Variants in CHD1 observed in about 807,000 individuals in gnomAD.
CHD1 encodes ATP-dependent chromatin remodeler CHD1.
In CHD1, 36 loss-of-function variants were observed where a neutral mutation model predicts 224.2. The ratio of observed to expected loss-of-function variants is 0.16; its 90% CI spans 0.12 to 0.21. CHD1 has a LOEUF of 0.21. CHD1 is among the 10% of genes least tolerant of loss of function. The pLI, the probability that CHD1 is intolerant of heterozygous loss-of-function variation, is 1.00. For missense variants in CHD1, 1,378 were observed against 1,994.8 expected, an observed-to-expected ratio of 0.69 and a Z score of 5.89; for synonymous variants, 668 against 658.3, an observed-to-expected ratio of 1.01 and a Z score of -0.23.
chr5:98,868,708 G>T, intron 30 of CHD1, 73 bp from the exon 31 acceptor site: 1 of 1,311,826 alleles, frequency 7.6e-7, no homozygotes, highest in Non-Finnish European at 1.0e-6. Flanking sequence ...AACACTTCCA[G>T]AAAATAATTA....
intron 16 of CHD1, 125 bp downstream of exon 16, chr5:98,888,951 A>T (rs941476914): frequency 3.8e-6 from 2 of 522,964 alleles, no homozygotes; most frequent in African/African-American, 1.9e-5. Context: ...ACCATTATAG[A>T]AAGGCACCAT....
At chr5:98,910,851 T>C (rs1752341989) in intron 2 of CHD1, among the ~76,000 whole-genome samples, 1 of 152,038 alleles carries the variant, frequency 6.6e-6, no homozygotes, top group African/African-American at 2.4e-5. Context: ...ACATGTTGTT[T>C]TCAGTTCTCT....
chr5:98,926,359 C>T lies in CHD1; in HGVS notation c.28G>A (p.Val10Ile). ...CTTGATTCTCCACTACTGTTTCTAA[C>T]ACTTTCTTCATCACTGTGTCCATTC... MNGHSDEES[V>I]RNSSGESSQS... The change falls in exon 2 of 36, where the codon GTT becomes ATT. Residue 10 changes from valine to isoleucine, a missense_variant. Physicochemically the swap from Val to Ile is conservative, Grantham distance 29. Transcript: ENST00000614616. The T allele has an allele frequency of 6.5e-7, 1 of 1,529,192 alleles. No individual in the cohort carries two copies. The highest frequency in any genetic ancestry group is 8.8e-7 in the Non-Finnish European group (1 of 1,137,856). The allele number at this position is 1,529,192 out of a possible 1,614,324, so 94.7% of individuals were successfully genotyped here.
intron 12 of CHD1, 68 bp from the exon 13 acceptor site, chr5:98,894,754 C>G (rs916497612): frequency 3.1e-6 from 2 of 655,118 alleles, no homozygotes; most frequent in Non-Finnish European, 5.3e-6. Flanking sequence ...ACTTACATAT[C>G]TAAAAATTAA....
chr5:98,895,658 CAGA>C (rs1296526003), intron 12 of CHD1, among the ~76,000 whole-genome samples: 3 of 150,212 alleles, frequency 2.0e-5, no homozygotes, highest in Admixed American at 6.7e-5. Context: ...AAGGGTGAGG[CAGA>C]AGAATCACTT....
chr5:98,874,116 AT>A (rs1172185893), intron 25 of CHD1, among the ~76,000 whole-genome samples: 16 of 152,126 alleles, frequency 1.1e-4, no homozygotes, highest in African/African-American at 3.6e-4. Flanking sequence ...TACTCAAGAC[AT>A]TTTTTCATCT....
At chr5:98,869,921 T>C (rs1279215220) in intron 29 of CHD1, 39 bp from the exon 30 acceptor site, 3 of 1,502,530 alleles carry the variant, frequency 2.0e-6, no homozygotes, top group African/African-American at 1.4e-5. Flanking sequence ...ATTCTACAGA[T>C]TTCATTTTTA....
At chr5:98,893,665 C>A in intron 13 of CHD1, 59 bp from the exon 14 acceptor site, 2 of 1,032,304 alleles carry the variant, frequency 1.9e-6, no homozygotes, top group South Asian at 1.6e-5. Context: ...TTTAGCCTTC[C>A]CATTTAATCT....
At chr5:98,896,827 T>A (rs1751372845) in intron 11 of CHD1, among the ~76,000 whole-genome samples, 1 of 147,196 alleles carries the variant, frequency 6.8e-6, no homozygotes. Flanking sequence ...CAACCGAGAT[T>A]CACAAAAGTA....
chr5:98,884,244 T>C (rs1750474983), intron 18 of CHD1, among the ~76,000 whole-genome samples: 1 of 151,892 alleles, frequency 6.6e-6, no homozygotes, highest in Admixed American at 6.5e-5. Context: ...CAGCTAATTT[T>C]TTTGTATTTT....
At chr5:98,911,155 A>ATATATATATATATG (rs1465818267) in intron 2 of CHD1, among the ~76,000 whole-genome samples, 4 of 127,226 alleles carry the variant, frequency 3.1e-5, no homozygotes, top group African/African-American at 9.8e-5. Flanking sequence ...AAATATATAT[A>ATATATATATATATG]TATATATATA....
intron 17 of CHD1, among the ~76,000 whole-genome samples, chr5:98,886,515 T>C (rs1262160191): frequency 1.3e-5 from 2 of 152,222 alleles, no homozygotes; most frequent in East Asian, 1.9e-4. Flanking sequence ...TAACTGGTTA[T>C]AGACTAGAAA....
chr5:98,903,683 C>G, intron 4 of CHD1, 109 bp downstream of exon 4: 1 of 833,238 alleles, frequency 1.2e-6, no homozygotes, highest in Admixed American at 1.7e-5. Context: ...AAAGTATTTC[C>G]TACTTATTCT....
intron 17 of CHD1, among the ~76,000 whole-genome samples, chr5:98,886,903 C>T (rs1385564767): frequency 2.0e-5 from 3 of 152,020 alleles, no homozygotes; most frequent in Non-Finnish European, 4.4e-5. Context: ...AGAAGTGGCG[C>T]TTATTAACAC....
chr5:98,862,090 G>A (rs922552731), intron 32 of CHD1, among the ~76,000 whole-genome samples: 2 of 152,112 alleles, frequency 1.3e-5, no homozygotes, highest in African/African-American at 4.8e-5. Context: ...CCAGGAGGCG[G>A]AGGATGCAGC....
At chr5:98,865,369 T>C (rs115297280) in intron 31 of CHD1, among the ~76,000 whole-genome samples, 40 of 152,318 alleles carry the variant, frequency 2.6e-4, no homozygotes, top group Non-Finnish European at 5.1e-4. Context: ...TGGAGTGTTG[T>C]AGGCACAGAA....
chr5:98,902,096 G>A (rs1751754927), intron 5 of CHD1, among the ~76,000 whole-genome samples: 1 of 151,720 alleles, frequency 6.6e-6, no homozygotes, highest in Non-Finnish European at 1.5e-5. Context: ...ATCTTTTCAG[G>A]GCTTGCACAC....
At position 98,854,058 on chromosome 5, in the gene CHD1, T is replaced by G. The variant is rs1747859051; in HGVS notation, c.*2322A>C. 6.6e-6 allele frequency: 1 copy of G among 152,008 alleles called. No homozygotes were observed. Among genetic ancestry groups the G allele is most frequent in the Non-Finnish European group, 1.5e-5 (1 of 67,894 alleles). 9.4% of individuals were successfully genotyped at this position (152,008 alleles called of 1,614,324 possible). A position where few individuals can be genotyped will look rare whatever the true frequency, so the allele number is the denominator to read the frequency against. On this transcript the variant is annotated 3_prime_UTR_variant, in exon 36 of 36. Transcript: ENST00000614616. ...AGTACTATACATAATCTCTCACCCT[T>G]GAAAAATTAAACATAACTGGATAAA...
chr5:98,881,752 G>A (rs1321322738), intron 20 of CHD1, among the ~76,000 whole-genome samples: 1 of 152,042 alleles, frequency 6.6e-6, no homozygotes, highest in East Asian at 1.9e-4. Context: ...TAAGGAACTT[G>A]AAGCATAGAA....
Sources: allele counts gnomAD v4.1 joint callset (sites outside exome capture counted in the v4.1 genomes callset), GRCh38; gene constraint gnomAD v4.1.1; transcripts MANE v1.5; gene names NCBI Gene and HGNC (gene_info 2026-07-23, HGNC 2026-07-21).